The following TENM3 variants were observed in gnomAD, a reference collection of about 807,000 sequenced individuals.
The protein encoded by TENM3 is teneurin transmembrane protein 3.
Under a neutral mutation model 255.1 loss-of-function variants are expected in TENM3, and 63 were observed. That is an observed-to-expected ratio of 0.25 (90% CI 0.20 to 0.30). TENM3 has a LOEUF of 0.30. Among genes scored for constraint, TENM3 ranks in the 10% least tolerant of loss-of-function variants. The probability of loss-of-function intolerance (pLI) is 1.00; values close to 1 mark genes in which losing one functional copy is unlikely to be tolerated. For missense variants in TENM3, 2,929 were observed against 3,461.1 expected (o/e 0.85, Z 3.86); for synonymous variants, 1,306 against 1,322.3 (o/e 0.99, Z 0.27).
At chr4:181,991,859 T>C in the TENM3 span, among the ~76,000 whole-genome samples, 1 of 152,142 alleles carries the variant, frequency 6.6e-6, no homozygotes, top group Non-Finnish European at 1.5e-5. Context: ...CAGTGGAAGC[T>C]GAACCTAAGG....
the TENM3 span, among the ~76,000 whole-genome samples, chr4:181,730,510 A>G: frequency 6.6e-6 from 1 of 152,120 alleles, no homozygotes; most frequent in Non-Finnish European, 1.5e-5. Flanking sequence ...AACTTCGTGG[A>G]TAAAGGGGTG....
At chr4:182,559,909 A>G (rs1252047318) in intron 3 of TENM3, among the ~76,000 whole-genome samples, 1 of 152,080 alleles carries the variant, frequency 6.6e-6, no homozygotes. Flanking sequence ...AAATAATTGA[A>G]TATAATTGGA....
intron 13 of TENM3, among the ~76,000 whole-genome samples, chr4:182,717,131 G>A (rs1038648534): frequency 6.6e-6 from 1 of 152,140 alleles, no homozygotes; most frequent in Non-Finnish European, 1.5e-5. Context: ...CTTAGGCCAA[G>A]CATCTTCCTT....
At chr4:181,579,221 C>T in the TENM3 span, among the ~76,000 whole-genome samples, 1 of 152,036 alleles carries the variant, frequency 6.6e-6, no homozygotes, top group Non-Finnish European at 1.5e-5. Context: ...ACTGAGCCCA[C>T]CCCACTGTGA....
the TENM3 span, chr4:181,522,818 T>C: frequency 7.8e-6 from 7 of 902,126 alleles, no homozygotes; most frequent in East Asian, 2.6e-5. Flanking sequence ...ATTATGTTGA[T>C]AGAAATGCAC....
chr4:182,267,403 A>G (rs537402794), intron 1 of TENM3, among the ~76,000 whole-genome samples: 1 of 152,326 alleles, frequency 6.6e-6, no homozygotes, highest in East Asian at 1.9e-4. Flanking sequence ...TATTTTGCCA[A>G]GGCTTTGACT....
At chr4:182,542,961 A>T (rs1741034268) in intron 3 of TENM3, among the ~76,000 whole-genome samples, 1 of 152,210 alleles carries the variant, frequency 6.6e-6, no homozygotes, top group African/African-American at 2.4e-5. Context: ...CTCAGCTAAG[A>T]TCATACAGCC....
the TENM3 span, among the ~76,000 whole-genome samples, chr4:181,613,992 T>G: frequency 6.8e-6 from 1 of 146,496 alleles, no homozygotes; most frequent in South Asian, 2.1e-4. Flanking sequence ...CTTTTCTCAT[T>G]ATGATTTTGT....
chr4:181,516,192 C>CTG, the TENM3 span, among the ~76,000 whole-genome samples: 1 of 151,790 alleles, frequency 6.6e-6, no homozygotes, highest in Non-Finnish European at 1.5e-5. Context: ...ACAACACACA[C>CTG]TGTGGCCTGT....
At chr4:182,078,281 T>C in the TENM3 span, among the ~76,000 whole-genome samples, 1 of 152,152 alleles carries the variant, frequency 6.6e-6, no homozygotes, top group Admixed American at 6.5e-5. Context: ...CCCAGCACTT[T>C]AGGAGGCTGA....
chr4:182,332,498 G>T (rs1409523590), intron 2 of TENM3, among the ~76,000 whole-genome samples: 1 of 152,088 alleles, frequency 6.6e-6, no homozygotes, highest in Non-Finnish European at 1.5e-5. Flanking sequence ...TTCGAGACCA[G>T]CCTGGCCAAC....
chr4:182,679,247 C>T (rs1302997008), intron 7 of TENM3, among the ~76,000 whole-genome samples: 1 of 151,996 alleles, frequency 6.6e-6, no homozygotes, highest in Non-Finnish European at 1.5e-5. Context: ...ATACCAGAGG[C>T]CGGGAGGGCA....
chr4:181,606,415 T>C, the TENM3 span, among the ~76,000 whole-genome samples: 4 of 152,142 alleles, frequency 2.6e-5, no homozygotes, highest in African/African-American at 9.7e-5. Context: ...GCAGGTGTTC[T>C]TCTCTTTGCT....
intron 3 of TENM3, among the ~76,000 whole-genome samples, chr4:182,443,175 A>G (rs1772641980): frequency 6.6e-6 from 1 of 152,176 alleles, no homozygotes; most frequent in Non-Finnish European, 1.5e-5. Context: ...GCCAAAGAAT[A>G]CATTCAAAAT....
the TENM3 span, among the ~76,000 whole-genome samples, chr4:181,827,768 G>C: frequency 3.3e-5 from 5 of 152,182 alleles, no homozygotes; most frequent in Admixed American, 2.6e-4. Flanking sequence ...AAGGAGAGCA[G>C]GACGATGCCT....
At chr4:181,839,345 G>GGA in the TENM3 span, among the ~76,000 whole-genome samples, 1 of 56,684 alleles carries the variant, frequency 1.8e-5, no homozygotes, top group Non-Finnish European at 3.3e-5. Flanking sequence ...TGTATTGAGG[G>GGA]TATATATATA....
the TENM3 span, among the ~76,000 whole-genome samples, chr4:181,974,578 A>C: frequency 4.6e-5 from 7 of 150,810 alleles, no homozygotes; most frequent in African/African-American, 1.7e-4. Flanking sequence ...AAACAAACAA[A>C]CAAAAAAAGA....
At chr4:182,450,622 G>GAAACTC (rs1773377018) in intron 3 of TENM3, among the ~76,000 whole-genome samples, 1 of 152,152 alleles carries the variant, frequency 6.6e-6, no homozygotes, top group South Asian at 2.1e-4. Flanking sequence ...CTGAGAGACT[G>GAAACTC]AAACTCACAA....
At chr4:181,775,007 G>A in the TENM3 span, among the ~76,000 whole-genome samples, 1 of 152,114 alleles carries the variant, frequency 6.6e-6, no homozygotes, top group Admixed American at 6.6e-5. Flanking sequence ...GCTGTGCAGA[G>A]GTGGCTGTGT....
Sources: allele counts gnomAD v4.1 joint callset (sites outside exome capture counted in the v4.1 genomes callset), GRCh38; gene constraint gnomAD v4.1.1; transcripts MANE v1.5; gene names NCBI Gene and HGNC (gene_info 2026-07-23, HGNC 2026-07-21).